ADGRL2: variants seen among roughly 807,000 people sequenced by gnomAD.
ADGRL2 encodes calcium-independent alpha-latrotoxin receptor 2.
Under a neutral mutation model 157.4 loss-of-function variants are expected in ADGRL2, and 44 were observed. The ratio of observed to expected loss-of-function variants is 0.28; its 90% CI spans 0.22 to 0.36. ADGRL2 has a LOEUF of 0.36. ADGRL2 is among the 10% of genes least tolerant of loss of function. ADGRL2 has a pLI of 1.00. For synonymous variants in ADGRL2, 585 were observed against 624.7 expected, an observed-to-expected ratio of 0.94 and a Z score of 0.95; for missense variants, 1,510 against 1,768.9, an observed-to-expected ratio of 0.85 and a Z score of 2.63.
At chr1:81,486,369 T>A (rs575837937) in intron 2 of ADGRL2, among the ~76,000 whole-genome samples, 2 of 152,280 alleles carry the variant, frequency 1.3e-5, no homozygotes, top group Non-Finnish European at 2.9e-5. Context: ...AAAGAGTCAC[T>A]GTTTTTGTGT....
intron 3 of ADGRL2, among the ~76,000 whole-genome samples, chr1:81,614,523 T>C (rs1311668846): frequency 6.6e-6 from 1 of 152,170 alleles, no homozygotes; most frequent in Non-Finnish European, 1.5e-5. Context: ...CCAAAGATTT[T>C]TTTTCATGTA....
At position 81,951,098 on chromosome 1, in the gene ADGRL2, T is replaced by G; in HGVS notation, c.1585T>G (p.Trp529Gly). The stretch of plus-strand genomic sequence containing the variant: ...CGATCTTAGCAACTGTACCTCACAC[T>G]GGGTGAATCAGCTGGCTCAGAAGGT... ...GPDLSNCTSH[W>G]VNQLAQKIRS... The change falls in exon 8 of 24, where the codon TGG becomes GGG. Residue 529 changes from tryptophan (W) to glycine (G), a missense_variant. By Grantham distance (184) the Trp-to-Gly change is radical. Transcript: ENST00000686636. The G allele has an allele frequency of 1.2e-6, 2 of 1,613,170 alleles. No homozygotes were observed. Among genetic ancestry groups the G allele is most frequent in the Non-Finnish European group, 1.7e-6 (2 of 1,179,204 alleles).
intron 1 of ADGRL2, among the ~76,000 whole-genome samples, chr1:81,433,591 G>A (rs112941313): frequency 4.6e-5 from 7 of 152,284 alleles, no homozygotes; most frequent in African/African-American, 1.4e-4. Context: ...AGGACAGCCT[G>A]TCTGGGTTGA....
At chr1:81,648,241 C>G (rs896827851) in intron 3 of ADGRL2, among the ~76,000 whole-genome samples, 1 of 152,190 alleles carries the variant, frequency 6.6e-6, no homozygotes, top group South Asian at 2.1e-4. Flanking sequence ...TCAGCAGTGA[C>G]TGTTTCATGC....
intron 3 of ADGRL2, among the ~76,000 whole-genome samples, chr1:81,912,283 G>A (rs867105019): frequency 2.0e-5 from 3 of 151,806 alleles, no homozygotes; most frequent in African/African-American, 7.3e-5. Context: ...TATTGTCCAG[G>A]ATGGTCTCGA....
intron 1 of ADGRL2, among the ~76,000 whole-genome samples, chr1:81,369,972 A>G (rs1011120544): frequency 2.0e-5 from 3 of 152,168 alleles, no homozygotes; most frequent in African/African-American, 7.2e-5. Flanking sequence ...TCTTCCTTAC[A>G]GAGTGATGTC....
At chr1:81,571,987 A>G (rs2148500640) in intron 2 of ADGRL2, among the ~76,000 whole-genome samples, 1 of 152,342 alleles carries the variant, frequency 6.6e-6, no homozygotes, top group South Asian at 2.1e-4. Flanking sequence ...TCATCCAACA[A>G]AAAGTAAATA....
intron 3 of ADGRL2, among the ~76,000 whole-genome samples, chr1:81,917,374 A>G (rs2094880558): frequency 2.0e-5 from 3 of 152,148 alleles, no homozygotes; most frequent in Admixed American, 1.3e-4. Flanking sequence ...TTAAAGATCC[A>G]TTCTTTTTTC....
chr1:81,881,086 G>A (rs2093974500), intron 2 of ADGRL2, among the ~76,000 whole-genome samples: 3 of 152,178 alleles, frequency 2.0e-5, no homozygotes, highest in African/African-American at 7.2e-5. Flanking sequence ...ATGAATGGTA[G>A]GGGAATTGGT....
intron 2 of ADGRL2, among the ~76,000 whole-genome samples, chr1:81,877,737 A>G (rs1321877441): frequency 6.6e-6 from 1 of 152,056 alleles, no homozygotes; most frequent in Non-Finnish European, 1.5e-5. Context: ...CCTTTTTGGG[A>G]AGGCAAGTTA....
chr1:81,449,917 T>C (rs2077674549), intron 2 of ADGRL2, among the ~76,000 whole-genome samples: 2 of 152,142 alleles, frequency 1.3e-5, no homozygotes, highest in Non-Finnish European at 2.9e-5. Context: ...GACCCAAATG[T>C]TGGTCTTGTG....
intron 1 of ADGRL2, among the ~76,000 whole-genome samples, chr1:81,307,368 T>G (rs1305720245): frequency 6.6e-6 from 1 of 152,194 alleles, no homozygotes; most frequent in Admixed American, 6.5e-5. Flanking sequence ...TGAAGTTACT[T>G]ATAATATTTT....
intron 1 of ADGRL2, among the ~76,000 whole-genome samples, chr1:81,829,368 C>T (rs2091769299): frequency 6.6e-6 from 1 of 152,136 alleles, no homozygotes; most frequent in African/African-American, 2.4e-5. Flanking sequence ...TTCTGTACAA[C>T]TCAAGAAAAT....
chr1:81,478,359 T>C (rs2078316258), intron 2 of ADGRL2, among the ~76,000 whole-genome samples: 1 of 152,184 alleles, frequency 6.6e-6, no homozygotes, highest in African/African-American at 2.4e-5. Context: ...TGAGACTCTG[T>C]TCATCCACTT....
intron 1 of ADGRL2, among the ~76,000 whole-genome samples, chr1:81,701,904 T>C (rs143421284): frequency 3.5e-4 from 53 of 152,338 alleles, no homozygotes; most frequent in African/African-American, 1.1e-3. Flanking sequence ...TAGATGTTTT[T>C]AGCAGTCATT....
At chr1:81,916,862 A>C (rs932817841) in intron 3 of ADGRL2, among the ~76,000 whole-genome samples, 1 of 152,112 alleles carries the variant, frequency 6.6e-6, no homozygotes, top group African/African-American at 2.4e-5. Flanking sequence ...ACATCTTACT[A>C]AATTGGTTTA....
rs533343795 is a variant in ADGRL2, at chr1:81,952,047, G to A, written c.1699G>A (p.Val567Met). ...PVFAGDVSSS[V>M]RLMEQLVDIL... ...GTTTGCTGGGGATGTAAGTTCTTCA[G>A]TGAGATTGATGGAGCAGTTGGTGGA... The change falls in exon 9 of 24, where the codon GTG becomes ATG. Residue 567 changes from valine to methionine, a missense_variant. By Grantham distance (21) the Val-to-Met change is conservative. Transcript: ENST00000686636. 26 of 1,613,812 alleles carry A rather than the reference G, an allele frequency of 1.6e-5. No individual in the cohort carries two copies. The Admixed American group carries it at 2.3e-4, about 14-fold the overall frequency.
intron 3 of ADGRL2, among the ~76,000 whole-genome samples, chr1:81,662,524 G>A (rs796797668): frequency 6.6e-6 from 1 of 151,378 alleles, no homozygotes; most frequent in Admixed American, 6.6e-5. Flanking sequence ...GATTACAGGC[G>A]TGAGCCATGA....
At chr1:81,781,313 G>A (rs2086803665) in intron 2 of ADGRL2, among the ~76,000 whole-genome samples, 1 of 152,098 alleles carries the variant, frequency 6.6e-6, no homozygotes, top group Non-Finnish European at 1.5e-5. Flanking sequence ...AGGTGCTGCA[G>A]GACCTGCCGT....
Sources: gnomAD v4.1 joint callset for allele counts (sites outside exome capture counted in the v4.1 genomes callset) on GRCh38, gnomAD v4.1.1 for gene constraint, MANE v1.5 for transcripts, NCBI Gene and HGNC (gene_info 2026-07-23, HGNC 2026-07-21) for gene names.